POU2F3: variants seen among roughly 807,000 people sequenced by gnomAD.
POU2F3 encodes the protein POU domain, class 2, transcription factor 3.
Under a neutral mutation model 59.2 loss-of-function variants are expected in POU2F3, and 23 were observed. That is an observed-to-expected ratio of 0.39 (90% CI 0.28 to 0.55). The LOEUF (loss-of-function observed/expected upper bound fraction) is 0.55, where lower values mean the gene tolerates loss of function less well. POU2F3 is among the 20% of genes least tolerant of loss of function. The probability of loss-of-function intolerance (pLI) is 0.66; values close to 1 mark genes in which losing one functional copy is unlikely to be tolerated. For missense variants in POU2F3, 473 were observed against 544.5 expected (o/e 0.87, Z 1.31); for synonymous variants, 190 against 214.6 (o/e 0.89, Z 1.00).
intron 8 of POU2F3, 86 bp downstream of exon 8, chr11:120,305,871 G>T (rs1326675580): frequency 1.3e-6 from 2 of 1,507,866 alleles, no homozygotes; most frequent in African/African-American, 1.4e-5. Context: ...GCTTTTGGGA[G>T]TTTGATACCT....
At chr11:120,291,957 C>T (rs550254470) in intron 3 of POU2F3, among the ~76,000 whole-genome samples, 76 of 152,048 alleles carry the variant, frequency 5.0e-4, no homozygotes, top group African/African-American at 1.8e-3. Flanking sequence ...TACAGGCACC[C>T]GCCACCACAC....
At chr11:120,277,454 A>T (rs1014248844) in intron 3 of POU2F3, among the ~76,000 whole-genome samples, 7 of 150,622 alleles carry the variant, frequency 4.6e-5, no homozygotes, top group African/African-American at 1.5e-4. Flanking sequence ...CTCCTGTAAA[A>T]CCCCTTTAAT....
At chr11:120,308,585 G>A (rs1220306793) in intron 9 of POU2F3, among the ~76,000 whole-genome samples, 1 of 152,130 alleles carries the variant, frequency 6.6e-6, no homozygotes, top group Non-Finnish European at 1.5e-5. Flanking sequence ...CCACAGTCCT[G>A]ATGGGTCCAC....
At chr11:120,284,423 G>C (rs1229775408) in intron 3 of POU2F3, among the ~76,000 whole-genome samples, 1 of 152,106 alleles carries the variant, frequency 6.6e-6, no homozygotes, top group African/African-American at 2.4e-5. Context: ...GCTCCATCCA[G>C]TCAGCTCTGG....
At chr11:120,309,071 T>C (rs1290157983) in intron 9 of POU2F3, among the ~76,000 whole-genome samples, 1 of 149,388 alleles carries the variant, frequency 6.7e-6, no homozygotes, top group East Asian at 2.0e-4. Context: ...AACTCATCCA[T>C]GGACTTCTCT....
upstream of POU2F3, among the ~76,000 whole-genome samples, chr11:120,238,096 C>T (rs936409172): frequency 7.2e-5 from 11 of 151,938 alleles, no homozygotes; most frequent in Admixed American, 2.6e-4. Context: ...CAAAATTAGC[C>T]GGGCATGGTG....
Position 120,298,369 on chromosome 11 carries a change from G to A in POU2F3, c.237G>A (p.Gly79=), listed in dbSNP as rs774127231. The change falls in exon 4 of 13, where the codon GGG becomes GGA. Residue 79 remains glycine (G), a synonymous_variant. Coordinates refer to ENST00000543440, the MANE Select transcript of POU2F3 (RefSeq NM_014352.4). ...PAMMSGNQMS[G]LNASPCQDMA... is the part of the protein sequence containing the mutation. ...TGATGTCCGGAAACCAAATGTCTGG[G>A]CTAAATGCCAGCCCATGTCAGGTAA... 1.9e-6 allele frequency: 3 copies of A among 1,613,764 alleles called. No individual in the cohort carries two copies. The highest frequency in any genetic ancestry group is 2.2e-5 in the East Asian group (1 of 44,848).
chr11:120,275,192 G>C (rs577882581), intron 3 of POU2F3, among the ~76,000 whole-genome samples: 3 of 152,158 alleles, frequency 2.0e-5, no homozygotes, highest in Non-Finnish European at 4.4e-5. Context: ...TGAAAAGAAG[G>C]CTTTTGTGGA....
At chr11:120,289,602 C>G (rs1302204629) in intron 3 of POU2F3, among the ~76,000 whole-genome samples, 2 of 152,166 alleles carry the variant, frequency 1.3e-5, no homozygotes, top group Admixed American at 6.5e-5. Flanking sequence ...GCTGGTAGAT[C>G]CTGAACAGGA....
At chr11:120,307,987 C>G (rs1197340601) in intron 9 of POU2F3, among the ~76,000 whole-genome samples, 1 of 152,260 alleles carries the variant, frequency 6.6e-6, no homozygotes, top group South Asian at 2.1e-4. Context: ...ATTTTCTATG[C>G]AGTACATTTT....
chr11:120,264,097 G>A (rs183885153), intron 2 of POU2F3, among the ~76,000 whole-genome samples: 36 of 152,180 alleles, frequency 2.4e-4, no homozygotes, highest in African/African-American at 7.5e-4. Flanking sequence ...AGAGCTGGGC[G>A]CAGTGGCTCA....
At chr11:120,307,410 C>T in intron 8 of POU2F3, 69 bp from the exon 9 acceptor site, 3 of 1,563,490 alleles carry the variant, frequency 1.9e-6, no homozygotes, top group Non-Finnish European at 2.6e-6. Context: ...TGTTGGACCT[C>T]AGATCCATGA....
chr11:120,292,570 G>A (rs182479401), intron 3 of POU2F3, among the ~76,000 whole-genome samples: 11 of 152,252 alleles, frequency 7.2e-5, no homozygotes, highest in African/African-American at 1.4e-4. Flanking sequence ...GTTCTGTGTC[G>A]TACTTTTCCC....
chr11:120,271,212 A>G (rs1402152388), intron 3 of POU2F3, among the ~76,000 whole-genome samples: 1 of 152,224 alleles, frequency 6.6e-6, no homozygotes, highest in Non-Finnish European at 1.5e-5. Context: ...TCAATTAAAG[A>G]GAGATCTAAG....
intron 1 of POU2F3, among the ~76,000 whole-genome samples, chr11:120,242,439 C>T (rs565002245): frequency 2.9e-4 from 44 of 152,268 alleles, no homozygotes; most frequent in African/African-American, 9.9e-4. Flanking sequence ...AGTCCAGGAT[C>T]CTCTTTTGGA....
chr11:120,277,067 TAAAAATAC>T (rs1309583451), intron 3 of POU2F3, among the ~76,000 whole-genome samples: 3 of 151,652 alleles, frequency 2.0e-5, no homozygotes, highest in Non-Finnish European at 2.9e-5. Flanking sequence ...ATAAAAATAC[TAAAAATAC>T]AAAAATACAA....
At chr11:120,302,161 G>C in intron 5 of POU2F3, 125 bp from the exon 6 acceptor site, 2 of 761,678 alleles carry the variant, frequency 2.6e-6, no homozygotes, top group Non-Finnish European at 2.2e-6. Flanking sequence ...CTTGAGGTGG[G>C]TGGAGGGACC....
intron 7 of POU2F3, 154 bp from the exon 8 acceptor site, chr11:120,305,490 C>G: frequency 8.1e-7 from 1 of 1,231,402 alleles, no homozygotes; most frequent in Non-Finnish European, 1.1e-6. Context: ...GATTCTTCAC[C>G]TTAGAGGGAG....
intron 3 of POU2F3, among the ~76,000 whole-genome samples, chr11:120,273,785 G>C (rs1191880444): frequency 1.3e-5 from 2 of 152,154 alleles, no homozygotes; most frequent in African/African-American, 2.4e-5. Context: ...GGAGGCCTAG[G>C]TGGGTGGATC....
Sources: gnomAD v4.1 joint callset for allele counts (sites outside exome capture counted in the v4.1 genomes callset) on GRCh38, gnomAD v4.1.1 for gene constraint, MANE v1.5 for transcripts, NCBI Gene and HGNC (gene_info 2026-07-23, HGNC 2026-07-21) for gene names.